The following MAGI2 variants were observed in gnomAD, a reference collection of about 807,000 sequenced individuals.
MAGI2 encodes membrane-associated guanylate kinase, WW and PDZ domain-containing protein 2.
MAGI2 carries 35 observed loss-of-function variants against 133.3 expected under a neutral mutation model. The ratio of observed to expected loss-of-function variants is 0.26; its 90% confidence interval spans 0.20 to 0.35. The LOEUF is 0.35. MAGI2 is among the 10% of genes least tolerant of loss of function. MAGI2 has a pLI of 1.00. For synonymous variants in MAGI2, 729 were observed against 710.6 expected (o/e 1.03, Z -0.41); for missense variants, 1,636 against 1,863.4 (o/e 0.88, Z 2.25).
chr7:78,475,911 C>G (rs1791700456), intron 6 of MAGI2, among the ~76,000 whole-genome samples: 1 of 151,826 alleles, frequency 6.6e-6, no homozygotes, highest in African/African-American at 2.4e-5. Context: ...CTTCTCGGAA[C>G]ATGCCTGGGT....
At chr7:78,915,637 T>C (rs1243676318) in intron 2 of MAGI2, among the ~76,000 whole-genome samples, 1 of 151,956 alleles carries the variant, frequency 6.6e-6, no homozygotes, top group Non-Finnish European at 1.5e-5. Flanking sequence ...ATCATATAGC[T>C]GGGCTTTCGT....
rs1792883231 is a variant in MAGI2 at position 78,848,947 on chromosome 7, C to T, written c.418+158143G>A. 2.6e-5 allele frequency among the ~76,000 whole-genome samples: 4 copies of T among 152,022 alleles called. 1 individual carries two copies. The South Asian group carries it at 8.3e-4, about 31-fold the overall frequency. On this transcript the variant is annotated intron_variant, in intron 2 of 21. Transcript: ENST00000354212. Reference sequence around the variant, plus strand: ...AAAGACTCATTTGTCTTAGAAATGGCACAATGCTTGGCTAATAGTAGAAGC... The same window carrying T: ...AAAGACTCATTTGTCTTAGAAATGGTACAATGCTTGGCTAATAGTAGAAGC...
Position 79,430,900 on chromosome 7 carries a change from A to AAATG in MAGI2, c.301+22119_301+22120insCATT. Among the ~76,000 whole-genome samples, 3 of 152,306 alleles carry AAATG rather than the reference A, an allele frequency of 2.0e-5. No individual in the cohort carries two copies. The East Asian group carries it at 5.8e-4, about 29-fold the overall frequency. ...GTTTTCGTCTGCAATGCCAAAGAAG[A>AAATG]CCAAAATCAATATCAAATTGCTAAC... is the stretch of plus-strand genomic sequence containing the variant. On this transcript the variant is annotated intron_variant, in intron 1 of 21. Coordinates refer to ENST00000354212, the MANE Select transcript of MAGI2 (RefSeq NM_012301.4).
At chr7:78,697,000 A>G (rs1242997139) in intron 2 of MAGI2, among the ~76,000 whole-genome samples, 1 of 152,150 alleles carries the variant, frequency 6.6e-6, no homozygotes, top group Non-Finnish European at 1.5e-5. Flanking sequence ...AAGCTTTTAA[A>G]TAGTTTACAC....
intron 1 of MAGI2, among the ~76,000 whole-genome samples, chr7:79,230,419 G>T (rs898398275): frequency 6.6e-6 from 1 of 151,630 alleles, no homozygotes; most frequent in South Asian, 2.1e-4. Context: ...CAGTGTAAAA[G>T]TGTTCCTATT....
chr7:78,744,263 C>T (rs1206059191), intron 2 of MAGI2, among the ~76,000 whole-genome samples: 2 of 152,048 alleles, frequency 1.3e-5, no homozygotes, highest in Non-Finnish European at 2.9e-5. Flanking sequence ...CACCATTAAA[C>T]TTTATCTTAT....
chr7:78,281,755 T>TGATATTATCCTGAGGTATTTTCCAGGC (rs1562744592), intron 9 of MAGI2, among the ~76,000 whole-genome samples: 6 of 151,502 alleles, frequency 4.0e-5, no homozygotes, highest in Admixed American at 1.3e-4. Context: ...ATTTTCCAGG[T>TGATATTATCCTGAGGTATTTTCCAGGC]GATATTTAAC....
At chr7:79,091,319 T>TCA (rs1452177557) in intron 1 of MAGI2, among the ~76,000 whole-genome samples, 2 of 152,138 alleles carry the variant, frequency 1.3e-5, no homozygotes, top group African/African-American at 4.8e-5. Context: ...CTATGAAACG[T>TCA]CACACCAAGC....
chr7:78,955,723 C>CTCTG (rs1802267716), intron 2 of MAGI2, among the ~76,000 whole-genome samples: 1 of 83,434 alleles, frequency 1.2e-5, no homozygotes, highest in Non-Finnish European at 2.4e-5. Context: ...TTCTTTCTTT[C>CTCTG]TCTTTCTTTC....
chr7:78,019,428 G>C lies in MAGI2; in HGVS notation c.4255C>G (p.Pro1419Ala), dbSNP rs1584845985. 33 of 1,050,838 alleles carry C rather than the reference G, an allele frequency of 3.1e-5. No individual in the cohort carries two copies. In the Middle Eastern group the frequency reaches 1.3e-3, roughly 42 times the overall value. 65.1% of individuals were successfully genotyped at this position (1,050,838 alleles called of 1,614,324 possible). A position where few individuals can be genotyped will look rare whatever the true frequency, so the allele number is the denominator to read the frequency against. The change falls in exon 22 of 22, where the codon CCG (proline) becomes GCG (alanine). Residue 1419 changes from proline (P) to alanine (A), a missense_variant. This residue lies in a region of MAGI2 where 354 missense variants were observed against 298.7 expected (regional missense o/e 1.19). Coordinates refer to ENST00000354212, the MANE Select transcript of MAGI2 (RefSeq NM_012301.4). ...RAGPRPGPRP[P>A]GGAPARKAAV... is the part of the protein sequence containing the mutation. ...GCCTTGCGCGCCGGGGCGCCCCCCGGGGGTCGCGGGCCCGGCCGGGGACCC... is the reference window on the plus strand; with the variant it reads ...GCCTTGCGCGCCGGGGCGCCCCCCGCGGGTCGCGGGCCCGGCCGGGGACCC...
chr7:78,689,653 C>G (rs1473207134), intron 2 of MAGI2, among the ~76,000 whole-genome samples: 1 of 140,650 alleles, frequency 7.1e-6, no homozygotes, highest in African/African-American at 2.6e-5. Flanking sequence ...ATCAATGAAA[C>G]TACACAATGT....
At chr7:79,051,615 A>G (rs1812676772) in intron 1 of MAGI2, among the ~76,000 whole-genome samples, 1 of 152,148 alleles carries the variant, frequency 6.6e-6, no homozygotes, top group South Asian at 2.1e-4. Flanking sequence ...AAACCTAAAA[A>G]TCAGCTGAGC....
intron 7 of MAGI2, chr7:78,351,681 ACTACAGC>A (rs1432611882): frequency 2.0e-5 from 3 of 152,116 alleles, no homozygotes; most frequent in Non-Finnish European, 2.9e-5. Flanking sequence ...GAACCCCTAG[ACTACAGC>A]TGAACTAGCA....
chr7:79,089,822 A>G (rs560501151), intron 1 of MAGI2, among the ~76,000 whole-genome samples: 2 of 152,082 alleles, frequency 1.3e-5, no homozygotes. Context: ...GGAAGGGAAC[A>G]TCACACACTG....
At chr7:78,945,116 C>T (rs1477709293) in intron 2 of MAGI2, among the ~76,000 whole-genome samples, 2 of 151,926 alleles carry the variant, frequency 1.3e-5, no homozygotes, top group Non-Finnish European at 2.9e-5. Context: ...GTGTGGAGTG[C>T]AGTGGTGTGA....
At chr7:78,551,875 G>A (rs1470195328) in intron 3 of MAGI2, among the ~76,000 whole-genome samples, 1 of 152,166 alleles carries the variant, frequency 6.6e-6, no homozygotes, top group Non-Finnish European at 1.5e-5. Flanking sequence ...CTCCTGAGTA[G>A]TTGGAACTAC....
At chr7:78,836,147 G>C (rs1791601843) in intron 2 of MAGI2, among the ~76,000 whole-genome samples, 1 of 152,142 alleles carries the variant, frequency 6.6e-6, no homozygotes, top group Non-Finnish European at 1.5e-5. Context: ...ACGTCACAAT[G>C]ATACAATACT....
At chr7:79,410,519 G>A (rs145642112) in intron 1 of MAGI2, 1 of 152,220 alleles carries the variant, frequency 6.6e-6, no homozygotes, top group East Asian at 1.9e-4. Context: ...ATGGGTGGAA[G>A]TACATAAGGA....
chr7:79,435,056 T>G (rs1224424746), intron 1 of MAGI2, among the ~76,000 whole-genome samples: 1 of 152,190 alleles, frequency 6.6e-6, no homozygotes, highest in Non-Finnish European at 1.5e-5. Context: ...GACTGGAACA[T>G]AACATCAGTG....
Sources: gnomAD v4.1 joint callset for allele counts (sites outside exome capture counted in the v4.1 genomes callset) on GRCh38, gnomAD v4.1.1 for gene constraint, gnomAD v4.1.1 regional missense constraint, MANE v1.5 for transcripts, NCBI Gene and HGNC (gene_info 2026-07-23, HGNC 2026-07-21) for gene names.